RELL1: variants seen among roughly 807,000 people sequenced by gnomAD.
The protein encoded by RELL1 is RELT like 1.
A neutral mutation model predicts 23.0 loss-of-function variants in RELL1; 10 were observed. The observed-to-expected ratio is 0.43, with a 90% CI of 0.27 to 0.74. The LOEUF is 0.74. RELL1 is among the 30% of genes least tolerant of loss of function. The pLI is 0.19. For missense variants in RELL1, 315 were observed against 364.4 expected (o/e 0.86, Z 1.10); for synonymous variants, 146 against 146.8 (o/e 0.99, Z 0.04).
chr4:37,634,869 C>T lies in RELL1; in HGVS notation c.680+18G>A. On this transcript the variant is annotated intron_variant, in intron 5 of 6. Coordinates refer to ENST00000454158, the MANE Select transcript of RELL1 (RefSeq NM_001085400.2). ...ACCCATGTCACACACAAACCAAAAG[C>T]ATCTGAAGGGATCTTACCTGCCAAC... 6.2e-6 allele frequency: 10 copies of T among 1,609,724 alleles called. No homozygotes were observed. The South Asian group carries it at 1.1e-4, about 18-fold the overall frequency.
intron 6 of RELL1, among the ~76,000 whole-genome samples, chr4:37,594,762 G>A (rs770712425): frequency 7.9e-5 from 12 of 152,096 alleles, no homozygotes; most frequent in Non-Finnish European, 1.6e-4. Context: ...CCTCTGCCCC[G>A]CTCTGTCTCT....
chr4:37,686,254 G>A lies in RELL1; in HGVS notation c.34C>T (p.Leu12=), dbSNP rs1294294127. Residue 12 remains leucine (L), a synonymous_variant, in exon 1 of 7, where the codon CTA becomes TTA. Coordinates refer to ENST00000454158, the MANE Select transcript of RELL1 (RefSeq NM_001085400.2). The part of the protein sequence containing the change: ...APRALPGSAV[L]AAAVFVGGAV... ...CCTCCCACGAAGACAGCAGCGGCTA[G>A]GACGGCGGACCCCGGGAGTGCCCGC... is the stretch of plus-strand genomic sequence containing the variant. 1 of 1,570,868 alleles carries A rather than the reference G, an allele frequency of 6.4e-7. No homozygotes were observed. The highest frequency in any genetic ancestry group is 2.4e-5 in the East Asian group (1 of 41,400).
At chr4:37,683,982 G>A (rs1722315530) in intron 1 of RELL1, among the ~76,000 whole-genome samples, 1 of 151,982 alleles carries the variant, frequency 6.6e-6, no homozygotes. Context: ...TCTGGAGGCT[G>A]AGGCAGGAGA....
intron 6 of RELL1, among the ~76,000 whole-genome samples, chr4:37,615,009 CCCCTACTCCCAGCCGTGGAA>C (rs1235793923): frequency 9.2e-5 from 14 of 152,230 alleles, no homozygotes; most frequent in African/African-American, 3.4e-4. Flanking sequence ...CAAATCCAGA[CCCCTACTCCCAGCCGTGGAA>C]CCGTGGCTGT....
At chr4:37,618,217 C>CT (rs971969985) in intron 6 of RELL1, among the ~76,000 whole-genome samples, 22 of 150,234 alleles carry the variant, frequency 1.5e-4, no homozygotes, top group South Asian at 6.3e-4. Flanking sequence ...ATCTTTTTTT[C>CT]TTTTTTTTTA....
intron 6 of RELL1, among the ~76,000 whole-genome samples, chr4:37,592,459 G>C (rs751760627): frequency 1.3e-5 from 2 of 151,738 alleles, no homozygotes; most frequent in African/African-American, 4.8e-5. Flanking sequence ...CAAACTTGAT[G>C]CCATAACTAA....
At chr4:37,596,080 G>C (rs1718833466) in intron 6 of RELL1, among the ~76,000 whole-genome samples, 1 of 152,204 alleles carries the variant, frequency 6.6e-6, no homozygotes, top group Non-Finnish European at 1.5e-5. Flanking sequence ...CCCTGCCCAT[G>C]TGACACGTGC....
chr4:37,656,016 A>C (rs1214874199), intron 1 of RELL1, among the ~76,000 whole-genome samples: 2 of 152,224 alleles, frequency 1.3e-5, no homozygotes, highest in African/African-American at 4.8e-5. Context: ...TATCCAAAAA[A>C]AGAATTGAAA....
At chr4:37,661,942 T>A (rs888021106) in intron 1 of RELL1, among the ~76,000 whole-genome samples, 2 of 152,328 alleles carry the variant, frequency 1.3e-5, no homozygotes, top group African/African-American at 4.8e-5. Context: ...AAGGCAGCTA[T>A]GACTGGGCAG....
Position 37,665,230 on chromosome 4 carries a change from T to C in RELL1, c.89-15730A>G, listed in dbSNP as rs192955721. The C allele has an allele frequency of 8.8e-6, 4 of 456,252 alleles. No homozygotes were observed. The Admixed American group carries it at 9.4e-5, about 11-fold the overall frequency. 28.3% of individuals were successfully genotyped at this position (456,252 alleles called of 1,614,324 possible). A position where few individuals can be genotyped will look rare whatever the true frequency, so the allele number is the denominator to read the frequency against. ...CCCATTTGCCAAATGCCAACAGTTT[T>C]TACAAACATAAATAAGTAGATTCTT... On this transcript the variant is annotated intron_variant, in intron 1 of 6. Coordinates refer to ENST00000454158, the MANE Select transcript of RELL1 (RefSeq NM_001085400.2).
At chr4:37,604,646 T>C (rs1035714891) in intron 6 of RELL1, among the ~76,000 whole-genome samples, 7 of 152,178 alleles carry the variant, frequency 4.6e-5, no homozygotes, top group African/African-American at 1.7e-4. Context: ...CAAATGACTC[T>C]GTGTTACAAA....
In RELL1 at chr4:37,686,280, G is replaced by C; in HGVS notation, c.8C>G (p.Pro3Arg). The part of the protein sequence containing the change: MA[P>R]RALPGSAVLA... The stretch of plus-strand genomic sequence containing the variant: ...GACGGCGGACCCCGGGAGTGCCCGC[G>C]GAGCCATCGCCGCGTCGCTTCGCCC... Residue 3 changes from proline (P) to arginine (R), a missense_variant, in exon 1 of 7, where the codon CCG becomes CGG. Pro to Arg is a moderately radical substitution (Grantham distance 103). Coordinates refer to ENST00000454158, the MANE Select transcript of RELL1 (RefSeq NM_001085400.2). 1 of 1,531,222 alleles carries C rather than the reference G, an allele frequency of 6.5e-7. No homozygotes were observed. Among genetic ancestry groups the C allele is most frequent in the Non-Finnish European group, 8.7e-7 (1 of 1,147,024 alleles). 94.9% of individuals were successfully genotyped at this position (1,531,222 alleles called of 1,614,324 possible).
At chr4:37,630,988 A>G (rs1720110064) in intron 6 of RELL1, among the ~76,000 whole-genome samples, 1 of 151,994 alleles carries the variant, frequency 6.6e-6, no homozygotes, top group East Asian at 1.9e-4. Context: ...GTGATTTTAC[A>G]TTTTAGAAGT....
chr4:37,669,196 G>A (rs1198533896), intron 1 of RELL1, among the ~76,000 whole-genome samples: 1 of 94,504 alleles, frequency 1.1e-5, no homozygotes, highest in Non-Finnish European at 2.0e-5. Flanking sequence ...GGGGGGGTCA[G>A]CCCCCTGCCT....
chr4:37,605,771 G>GAGAGAGAGAGAGAA (rs1484491434), downstream of RELL1, among the ~76,000 whole-genome samples: 1 of 129,878 alleles, frequency 7.7e-6, no homozygotes, highest in East Asian at 2.2e-4. Flanking sequence ...AAGAAAGAGA[G>GAGAGAGAGAGAGAA]AGAGAGAGAG....
At chr4:37,605,321 G>A (rs1232173573) in intron 6 of RELL1, among the ~76,000 whole-genome samples, 2 of 152,196 alleles carry the variant, frequency 1.3e-5, no homozygotes, top group Non-Finnish European at 2.9e-5. Flanking sequence ...AGGACACCTA[G>A]TCCTCTTTAT....
At chr4:37,614,405 AGAT>A (rs1287608235) in intron 6 of RELL1, among the ~76,000 whole-genome samples, 11 of 152,300 alleles carry the variant, frequency 7.2e-5, no homozygotes, top group Admixed American at 4.6e-4. Flanking sequence ...TTCCCAAATG[AGAT>A]GATGAGTAAA....
chr4:37,602,576 G>T (rs182571351), intron 6 of RELL1, among the ~76,000 whole-genome samples: 1 of 151,982 alleles, frequency 6.6e-6, no homozygotes. Context: ...GATCAGCCGT[G>T]GGGGATGGAC....
At chr4:37,632,975 C>G (rs1720192989) in intron 5 of RELL1, among the ~76,000 whole-genome samples, 1 of 152,114 alleles carries the variant, frequency 6.6e-6, no homozygotes, top group Non-Finnish European at 1.5e-5. Flanking sequence ...AAAGAAATAA[C>G]AGGGAAACTG....
Sources: gnomAD v4.1 joint callset for allele counts (sites outside exome capture counted in the v4.1 genomes callset) on GRCh38, gnomAD v4.1.1 for gene constraint, MANE v1.5 for transcripts, NCBI Gene and HGNC (gene_info 2026-07-23, HGNC 2026-07-21) for gene names.